ZXDC: variants seen among roughly 807,000 people sequenced by gnomAD.
The protein encoded by ZXDC is ZXD family zinc finger C, also known as zinc finger protein ZXDC.
A neutral mutation model predicts 63.6 loss-of-function variants in ZXDC; 58 were observed. The observed-to-expected ratio is 0.91, with a 90% CI of 0.74 to 1.13. The LOEUF is 1.13. ZXDC is among the 50% of genes most tolerant of loss of function. The probability of loss-of-function intolerance (pLI) is 0.00; values close to 1 mark genes in which losing one functional copy is unlikely to be tolerated. For missense variants in ZXDC, 1,133 were observed against 1,148.9 expected (o/e 0.99, Z 0.20); for synonymous variants, 561 against 496.1 (o/e 1.13, Z -1.74).
Position 126,470,988 on chromosome 3 carries a change from C to G in ZXDC, c.1177G>C (p.Glu393Gln), listed in dbSNP as rs373423803. The change falls in exon 4 of 10, where the codon GAG becomes CAG. Residue 393 changes from glutamate (E) to glutamine (Q), a missense_variant. Physicochemically the swap from Glu to Gln is conservative, Grantham distance 29. Coordinates refer to ENST00000389709, the MANE Select transcript of ZXDC (RefSeq NM_025112.5). Reference protein sequence around the residue: ...DDDRRFTCPVEGCGKSFTRAE... With the variant: ...DDDRRFTCPVQGCGKSFTRAE... The stretch of plus-strand genomic sequence containing the variant: ...CTGGTGAATGATTTCCCACAGCCCT[C>G]GACAGGGCAGGTAAACCTCCGGTCA... 1.2e-6 allele frequency: 2 copies of G among 1,614,148 alleles called. No individual in the cohort carries two copies. Among genetic ancestry groups the G allele is most frequent in the South Asian group, 2.2e-5 (2 of 91,080 alleles).
intron 7 of ZXDC, among the ~76,000 whole-genome samples, chr3:126,447,821 C>G (rs962965652): frequency 6.6e-6 from 1 of 152,238 alleles, no homozygotes; most frequent in Admixed American, 6.5e-5. Flanking sequence ...TGACAGGCTG[C>G]CTCGCCCCAC....
At position 126,475,312 on chromosome 3, in the gene ZXDC, G is replaced by A. The variant is rs1012121762; in HGVS notation, c.554C>T (p.Ala185Val). The A allele has an allele frequency of 1.1e-5, 17 of 1,546,738 alleles. No individual in the cohort carries two copies. The Admixed American group carries it at 2.8e-4, about 25-fold the overall frequency. The change falls in exon 1 of 10, where the codon GCC (alanine) becomes GTC (valine). Residue 185 changes from alanine (A) to valine (V), a missense_variant. Physicochemically the swap from Ala to Val is moderately conservative, Grantham distance 64 (BLOSUM62 0). Transcript: ENST00000389709. ...YRCPEPQCALAFAKKHQLKVH... is the reference protein window; with the variant it reads ...YRCPEPQCALVFAKKHQLKVH... ...CTTGAGCTGGTGCTTCTTGGCGAAG[G>A]CCAGCGCGCACTGCGGCTCGGGGCA...
Position 126,466,198 on chromosome 3 carries a change from G to C in ZXDC, c.1398C>G (p.His466Gln). The C allele has an allele frequency of 6.2e-7, 1 of 1,614,220 alleles. No individual in the cohort carries two copies. The highest frequency in any genetic ancestry group is 8.5e-7 in the Non-Finnish European group (1 of 1,180,028). ...STCNRLFTSK[H>Q]SMKAHMVRQH... Reference sequence around the variant, plus strand: ...GTCTGACCATGTGCGCCTTCATGCTGTGCTTGGAGGTGAAGAGTCTGTTGC... The same window carrying C: ...GTCTGACCATGTGCGCCTTCATGCTCTGCTTGGAGGTGAAGAGTCTGTTGC... The change falls in exon 5 of 10, where the codon CAC becomes CAG. Residue 466 changes from histidine (H) to glutamine (Q), a missense_variant. By Grantham distance (24) the His-to-Gln change is conservative. Coordinates refer to ENST00000389709, the MANE Select transcript of ZXDC (RefSeq NM_025112.5).
chr3:126,454,239 T>G, intron 7 of ZXDC: 1 of 984,864 alleles, frequency 1.0e-6, no homozygotes, highest in African/African-American at 1.7e-5. Flanking sequence ...AATAATGAAC[T>G]AATCACTTTC....
At position 126,475,556 on chromosome 3, in the gene ZXDC, G is replaced by A. The variant is rs779042122; in HGVS notation, c.310C>T (p.Leu104=). Reference sequence around the variant, plus strand: ...GGGCCCTGCTCGGGGCGGCTCGCCAGGTTGACACGGGAGCCAGGCTCGGCC... The same window carrying A: ...GGGCCCTGCTCGGGGCGGCTCGCCAAGTTGACACGGGAGCCAGGCTCGGCC... ...QEAEPGSRVN[L]ASRPEQGPSG... Residue 104 remains leucine (L), a synonymous_variant, in exon 1 of 10, where the codon CTG becomes TTG. Coordinates refer to ENST00000389709, the MANE Select transcript of ZXDC (RefSeq NM_025112.5). 2 of 1,403,642 alleles carry A rather than the reference G, an allele frequency of 1.4e-6. No homozygotes were observed. The highest frequency in any genetic ancestry group is 5.1e-5 in the Admixed American group (2 of 39,578). The allele number at this position is 1,403,642 out of a possible 1,614,324, so 86.9% of individuals were successfully genotyped here.
At chr3:126,449,975 A>T (rs1474072938) in intron 7 of ZXDC, among the ~76,000 whole-genome samples, 1 of 152,254 alleles carries the variant, frequency 6.6e-6, no homozygotes, top group African/African-American at 2.4e-5. Context: ...CTCGGCTCAC[A>T]GCCCATTCTC....
chr3:126,453,217 T>C, intron 7 of ZXDC: 4 of 985,194 alleles, frequency 4.1e-6, no homozygotes, highest in Non-Finnish European at 4.8e-6. Flanking sequence ...TATCATACAG[T>C]TAACATGATA....
intron 6 of ZXDC, 118 bp downstream of exon 6, chr3:126,461,417 G>C: frequency 1.4e-6 from 2 of 1,441,440 alleles, no homozygotes; most frequent in Non-Finnish European, 9.1e-7. Context: ...GTAGTCCAGG[G>C]CTGCGTCCTT....
intron 1 of ZXDC, among the ~76,000 whole-genome samples, chr3:126,473,740 T>A (rs1474094278): frequency 6.6e-6 from 1 of 152,198 alleles, no homozygotes; most frequent in East Asian, 1.9e-4. Flanking sequence ...CTTTAAAAAT[T>A]CTTGTTTAAG....
intron 4 of ZXDC, among the ~76,000 whole-genome samples, chr3:126,467,044 T>C (rs775512968): frequency 3.3e-5 from 5 of 151,912 alleles, no homozygotes; most frequent in African/African-American, 9.7e-5. Flanking sequence ...TAGGGGCAAA[T>C]AGAACAGCCA....
rs777508 is a variant in ZXDC, at chr3:126,461,204, C to G, written c.2127+331G>C. On this transcript the variant is annotated intron_variant, in intron 6 of 9. Transcript: ENST00000389709. ...TCTTCTAGGACTGGTCATGAGCTGA[C>G]AAGCATAGAGGCAAAGTATCTCAAC... 0.95 allele frequency: 1,000,637 copies of G among 1,055,268 alleles called. 476,163 individuals are homozygous for G. Among genetic ancestry groups the G allele is most frequent in the East Asian group, 0.98 (12,732 of 12,964 alleles). 65.4% of individuals were successfully genotyped at this position (1,055,268 alleles called of 1,614,324 possible). A position where few individuals can be genotyped will look rare whatever the true frequency, so the allele number is the denominator to read the frequency against.
At position 126,452,510 on chromosome 3, in the gene ZXDC, C is replaced by G. The variant is rs553221718; in HGVS notation, c.2212+7143G>C. 5 of 985,284 alleles carry G rather than the reference C, an allele frequency of 5.1e-6. No homozygotes were observed. In the East Asian group the frequency reaches 3.4e-4, roughly 67 times the overall value. 61.0% of individuals were successfully genotyped at this position (985,284 alleles called of 1,614,324 possible). On this transcript the variant is annotated intron_variant, in intron 7 of 9. Coordinates refer to ENST00000389709, the MANE Select transcript of ZXDC (RefSeq NM_025112.5). ...AACTGCTCTCCCTGAAACCTCCCAT[C>G]CATTTTGTAAATCAAATACAGGATT...
At chr3:126,473,740 T>C (rs1474094278) in intron 1 of ZXDC, among the ~76,000 whole-genome samples, 4 of 152,198 alleles carry the variant, frequency 2.6e-5, no homozygotes, top group Non-Finnish European at 5.9e-5. Flanking sequence ...CTTTAAAAAT[T>C]CTTGTTTAAG....
chr3:126,442,367 G>A (rs1933716644), intron 7 of ZXDC: 2 of 155,892 alleles, frequency 1.3e-5, no homozygotes, highest in African/African-American at 4.8e-5. Flanking sequence ...CCTGTGGGTG[G>A]ACTGCTGCCT....
chr3:126,443,750 A>T (rs1462217417), intron 7 of ZXDC, among the ~76,000 whole-genome samples: 1 of 152,266 alleles, frequency 6.6e-6, no homozygotes, highest in Non-Finnish European at 1.5e-5. Flanking sequence ...GCATATAAAA[A>T]TATGTACATA....
chr3:126,474,724 G>C (rs997103409), intron 1 of ZXDC, among the ~76,000 whole-genome samples: 2 of 152,366 alleles, frequency 1.3e-5, no homozygotes, highest in African/African-American at 4.8e-5. Context: ...ATCTGTTGCC[G>C]CCACCTTTGG....
At chr3:126,461,404 CTTGTAGTCCAGGG>C in intron 6 of ZXDC, 118 bp downstream of exon 6, 1 of 1,432,710 alleles carries the variant, frequency 7.0e-7, no homozygotes, top group Non-Finnish European at 9.1e-7. Context: ...CAGTTCCAGA[CTTGTAGTCCAGGG>C]CTGCGTCCTT....
chr3:126,441,584 A>T (rs1179115736), intron 8 of ZXDC, 181 bp downstream of exon 8: 1 of 1,326,720 alleles, frequency 7.5e-7, no homozygotes, highest in Non-Finnish European at 9.6e-7. Context: ...GCTGGGAAAA[A>T]GGGAGGAGCT....
intron 3 of ZXDC, among the ~76,000 whole-genome samples, chr3:126,471,515 C>T (rs1183207751): frequency 3.9e-5 from 6 of 152,046 alleles, no homozygotes; most frequent in Non-Finnish European, 8.8e-5. Flanking sequence ...ACAGAAAAAC[C>T]ACTGAATCTC....
Sources: allele counts gnomAD v4.1 joint callset (sites outside exome capture counted in the v4.1 genomes callset), GRCh38; gene constraint gnomAD v4.1.1; transcripts MANE v1.5; gene names NCBI Gene and HGNC (gene_info 2026-07-23, HGNC 2026-07-21).